The following APPBP2 variants were observed in gnomAD, a reference collection of about 807,000 sequenced individuals.
The protein encoded by APPBP2 is amyloid protein-binding protein 2.
Under a neutral mutation model 76.0 loss-of-function variants are expected in APPBP2, and 15 were observed. The ratio of observed to expected loss-of-function variants is 0.20; its 90% CI spans 0.13 to 0.30. The LOEUF (loss-of-function observed/expected upper bound fraction) is 0.30, where lower values mean the gene tolerates loss of function less well. Ranked by LOEUF, APPBP2 falls within the 10% of genes least tolerant of loss-of-function variation. The pLI is 1.00. For synonymous variants in APPBP2, 222 were observed against 242.2 expected (o/e 0.92, Z 0.77); for missense variants, 401 against 687.2 (o/e 0.58, Z 4.66).
At chr17:60,508,217 CAG>C (rs2090884883) in intron 1 of APPBP2, among the ~76,000 whole-genome samples, 1 of 152,034 alleles carries the variant, frequency 6.6e-6, no homozygotes, top group South Asian at 2.1e-4. Flanking sequence ...ATAATGTTCA[CAG>C]ATTATATGAT....
At chr17:60,471,548 A>G (rs2090552668) in intron 4 of APPBP2, among the ~76,000 whole-genome samples, 1 of 150,240 alleles carries the variant, frequency 6.7e-6, no homozygotes. Context: ...ATTTTGCTAA[A>G]TGTCTTTTCT....
chr17:60,450,599 G>A (rs1192972993), intron 12 of APPBP2, among the ~76,000 whole-genome samples: 2 of 149,292 alleles, frequency 1.3e-5, no homozygotes, highest in African/African-American at 5.1e-5. Flanking sequence ...GTGAGACCTT[G>A]TCCCTATTGA....
intron 1 of APPBP2, among the ~76,000 whole-genome samples, chr17:60,523,423 G>A (rs1010617834): frequency 6.6e-6 from 1 of 152,136 alleles, no homozygotes; most frequent in African/African-American, 2.4e-5. Context: ...CTTAAGCCCA[G>A]GGGTTCAAGG....
At chr17:60,462,225 A>C in intron 6 of APPBP2, 164 bp from the exon 7 acceptor site, 3 of 625,262 alleles carry the variant, frequency 4.8e-6, no homozygotes, top group Non-Finnish European at 8.4e-6. Context: ...GTACTTAAAA[A>C]TTCTATTATA....
intron 12 of APPBP2, among the ~76,000 whole-genome samples, chr17:60,451,525 G>C (rs374134600): frequency 2.6e-5 from 4 of 152,122 alleles, no homozygotes; most frequent in South Asian, 2.1e-4. Flanking sequence ...CCAGGCTGGA[G>C]AGCAGTGGCA....
chr17:60,490,181 T>C (rs1294126221), intron 3 of APPBP2, among the ~76,000 whole-genome samples: 1 of 152,148 alleles, frequency 6.6e-6, no homozygotes, highest in African/African-American at 2.4e-5. Flanking sequence ...TACAAACAAA[T>C]GAGTGCACGT....
At chr17:60,461,942 ATATAAAG>A in intron 7 of APPBP2, 27 bp from the exon 8 acceptor site, 2 of 1,607,610 alleles carry the variant, frequency 1.2e-6, no homozygotes, top group Non-Finnish European at 1.7e-6. Context: ...AATTATTAGG[ATATAAAG>A]TATAGAGACA....
intron 4 of APPBP2, among the ~76,000 whole-genome samples, chr17:60,475,898 G>A: frequency 6.6e-6 from 1 of 152,090 alleles, no homozygotes; most frequent in Non-Finnish European, 1.5e-5. Flanking sequence ...GAGAATTCCT[G>A]ACCTTAAACA....
chr17:60,454,194 T>C (rs1423619217), intron 11 of APPBP2, 108 bp downstream of exon 11: 1 of 820,816 alleles, frequency 1.2e-6, no homozygotes, highest in African/African-American at 1.8e-5. Flanking sequence ...TCTTCTCAAT[T>C]CCTTTGTGCA....
intron 4 of APPBP2, among the ~76,000 whole-genome samples, chr17:60,478,173 G>A (rs753098375): frequency 4.6e-5 from 7 of 151,940 alleles, no homozygotes; most frequent in Admixed American, 1.3e-4. Flanking sequence ...GTTACCTTAC[G>A]ATAAAGAATT....
rs2090329497 is a variant in APPBP2, at chr17:60,444,481, T to C, written c.*3100A>G. On this transcript the variant is annotated 3_prime_UTR_variant, in exon 13 of 13. Coordinates refer to ENST00000083182, the MANE Select transcript of APPBP2 (RefSeq NM_006380.5). ...ATTATTTCTAAGATCGCAGCCTCTG[T>C]ACTTAATTTTCATAAAATTATAAAC... 6.6e-6 allele frequency: 1 copy of C among 152,128 alleles called. No individual in the cohort carries two copies. The allele number at this position is 152,128 out of a possible 1,614,324, so 9.4% of individuals were successfully genotyped here. A position where few individuals can be genotyped will look rare whatever the true frequency, so the allele number is the denominator to read the frequency against.
intron 9 of APPBP2, among the ~76,000 whole-genome samples, chr17:60,457,419 T>G (rs539467148): frequency 3.1e-4 from 47 of 151,694 alleles, no homozygotes; most frequent in African/African-American, 1.1e-3. Context: ...GTTTTTTTTG[T>G]TTTGTTTTTG....
At chr17:60,467,449 A>T (rs2090519900) in intron 4 of APPBP2, among the ~76,000 whole-genome samples, 1 of 152,206 alleles carries the variant, frequency 6.6e-6, no homozygotes. Context: ...GAAACAGATT[A>T]ACTTCCAAAG....
At chr17:60,465,096 A>G (rs2090501339) in intron 5 of APPBP2, 1 of 152,226 alleles carries the variant, frequency 6.6e-6, no homozygotes. Context: ...TTAAAATATG[A>G]GAAGTGAAAT....
At chr17:60,448,653 G>T (rs1427633421) in intron 12 of APPBP2, among the ~76,000 whole-genome samples, 1 of 152,192 alleles carries the variant, frequency 6.6e-6, no homozygotes, top group Non-Finnish European at 1.5e-5. Context: ...TCTCTGTAAC[G>T]GTTACGGAGT....
chr17:60,445,523 A>T lies in APPBP2; in HGVS notation c.*2058T>A, dbSNP rs1219259584. ...TTACCATGACATTCCTATACCACAA[A>T]CATACCACTGGATTCTAAATAACCA... On this transcript the variant is annotated 3_prime_UTR_variant, in exon 13 of 13. Transcript: ENST00000083182. 6.6e-6 allele frequency: 1 copy of T among 152,642 alleles called. No homozygotes were observed. The highest frequency in any genetic ancestry group is 1.5e-5 in the Non-Finnish European group (1 of 68,044). 9.5% of individuals were successfully genotyped at this position (152,642 alleles called of 1,614,324 possible).
At chr17:60,496,474 C>A (rs561574750) in intron 2 of APPBP2, 4 of 152,278 alleles carry the variant, frequency 2.6e-5, no homozygotes, top group African/African-American at 9.6e-5. Context: ...TCCACTGAAT[C>A]TTTACAACAG....
intron 1 of APPBP2, among the ~76,000 whole-genome samples, chr17:60,501,148 T>C (rs2090819789): frequency 1.3e-5 from 2 of 151,984 alleles, no homozygotes; most frequent in African/African-American, 4.8e-5. Context: ...ACCCTATTTA[T>C]AAAATATAAA....
chr17:60,518,085 T>G (rs1024928390), intron 1 of APPBP2, among the ~76,000 whole-genome samples: 2 of 120,128 alleles, frequency 1.7e-5, no homozygotes, highest in Non-Finnish European at 3.5e-5. Context: ...TTTTTTTTTT[T>G]GAGACAGTCT....
Sources: allele counts gnomAD v4.1 joint callset (sites outside exome capture counted in the v4.1 genomes callset), GRCh38; gene constraint gnomAD v4.1.1; transcripts MANE v1.5; gene names NCBI Gene and HGNC (gene_info 2026-07-23, HGNC 2026-07-21).